Variants in SLC16A7 observed in about 807,000 individuals in gnomAD.
The protein encoded by SLC16A7 is solute carrier family 16 member 7, also known as monocarboxylate transporter 2.
In SLC16A7, 33 loss-of-function variants were observed where a neutral mutation model predicts 34.9. That is an observed-to-expected ratio of 0.94 (90% CI 0.72 to 1.26). The LOEUF is 1.26. Ranked by LOEUF, SLC16A7 falls within the 50% of genes most tolerant of loss-of-function variation. The probability of loss-of-function intolerance (pLI) is 0.00; values close to 1 mark genes in which losing one functional copy is unlikely to be tolerated. For synonymous variants in SLC16A7, 201 were observed against 206.6 expected, an observed-to-expected ratio of 0.97 and a Z score of 0.23; for missense variants, 573 against 578.1, an observed-to-expected ratio of 0.99 and a Z score of 0.09.
intron 1 of SLC16A7, among the ~76,000 whole-genome samples, chr12:59,608,760 A>C (rs1240662055): frequency 2.6e-5 from 4 of 152,158 alleles, no homozygotes; most frequent in Non-Finnish European, 4.4e-5. Context: ...TTTTCATTTT[A>C]TTTTTGTTAA....
At chr12:59,705,901 T>C (rs1214279140) in intron 3 of SLC16A7, among the ~76,000 whole-genome samples, 2 of 152,180 alleles carry the variant, frequency 1.3e-5, no homozygotes, top group African/African-American at 4.8e-5. Context: ...AAGGATAATA[T>C]GGCTCTTAGT....
intron 2 of SLC16A7, among the ~76,000 whole-genome samples, chr12:59,681,952 A>G (rs1292277282): frequency 7.6e-6 from 1 of 131,286 alleles, no homozygotes; most frequent in East Asian, 2.0e-4. Context: ...CGAGAATCTC[A>G]TAACACAGCT....
At chr12:59,615,677 C>T (rs1321274552) in intron 1 of SLC16A7, among the ~76,000 whole-genome samples, 2 of 152,182 alleles carry the variant, frequency 1.3e-5, no homozygotes, top group African/African-American at 4.8e-5. Context: ...ACTGTTCATA[C>T]TCTTGGAGTA....
chr12:59,650,970 C>G (rs1182539070), intron 1 of SLC16A7, among the ~76,000 whole-genome samples: 2 of 152,074 alleles, frequency 1.3e-5, no homozygotes, highest in East Asian at 3.9e-4. Flanking sequence ...GAGATGGTAG[C>G]TAAAAGAAGC....
intron 3 of SLC16A7, among the ~76,000 whole-genome samples, chr12:59,717,457 A>C (rs963400990): frequency 6.6e-6 from 1 of 152,232 alleles, no homozygotes; most frequent in African/African-American, 2.4e-5. Context: ...GATAAAATGA[A>C]CTGTAAGTCC....
At chr12:59,666,592 G>A (rs1869225666) in intron 2 of SLC16A7, among the ~76,000 whole-genome samples, 1 of 152,080 alleles carries the variant, frequency 6.6e-6, no homozygotes, top group African/African-American at 2.4e-5. Context: ...TAGTGAGTAA[G>A]TCCTGAGATC....
intron 1 of SLC16A7, among the ~76,000 whole-genome samples, chr12:59,613,946 A>C (rs1160327479): frequency 1.3e-5 from 2 of 152,206 alleles, no homozygotes; most frequent in East Asian, 3.9e-4. Context: ...TATGAACAGT[A>C]ACACTGTTAA....
chr12:59,726,325 T>C (rs1876228708), intron 3 of SLC16A7, among the ~76,000 whole-genome samples: 2 of 152,160 alleles, frequency 1.3e-5, no homozygotes, highest in Non-Finnish European at 2.9e-5. Context: ...AGAATCAATA[T>C]TTTTAAATCT....
At chr12:59,667,778 C>A (rs528143964) in intron 2 of SLC16A7, among the ~76,000 whole-genome samples, 14 of 152,338 alleles carry the variant, frequency 9.2e-5, no homozygotes, top group Non-Finnish European at 1.9e-4. Flanking sequence ...ATATCAGAGG[C>A]CTTCGTGGCA....
chr12:59,749,862 C>T (rs904547440), intron 3 of SLC16A7, among the ~76,000 whole-genome samples: 1 of 152,136 alleles, frequency 6.6e-6, no homozygotes. Flanking sequence ...TAATAAAAAT[C>T]ACACCAGAGT....
intron 3 of SLC16A7, among the ~76,000 whole-genome samples, chr12:59,769,728 G>T (rs1438526847): frequency 6.6e-6 from 1 of 152,014 alleles, no homozygotes; most frequent in African/African-American, 2.4e-5. Context: ...GCATTGATAA[G>T]TGAATCTCAA....
At chr12:59,751,948 C>A (rs12824305) in intron 3 of SLC16A7, among the ~76,000 whole-genome samples, 3 of 152,062 alleles carry the variant, frequency 2.0e-5, no homozygotes, top group Non-Finnish European at 4.4e-5. Flanking sequence ...TAGCGGTTCA[C>A]GAAAATCCGC....
At chr12:59,677,301 T>C (rs1304052039) in intron 2 of SLC16A7, among the ~76,000 whole-genome samples, 4 of 152,088 alleles carry the variant, frequency 2.6e-5, no homozygotes, top group Non-Finnish European at 4.4e-5. Context: ...AATTTGAAAA[T>C]TGAACATTAA....
chr12:59,644,436 G>A (rs1194008814), intron 1 of SLC16A7, among the ~76,000 whole-genome samples: 4 of 151,962 alleles, frequency 2.6e-5, no homozygotes, highest in Admixed American at 6.6e-5. Context: ...ACATGTTGGC[G>A]CATGCCTGTA....
intron 2 of SLC16A7, among the ~76,000 whole-genome samples, chr12:59,702,544 CA>C (rs1565658569): frequency 6.6e-6 from 1 of 151,922 alleles, no homozygotes; most frequent in Non-Finnish European, 1.5e-5. Flanking sequence ...GGCTTTGCCC[CA>C]ATTACTGTGA....
In SLC16A7 at chr12:59,657,436, G is replaced by T. The variant is rs899893807; in HGVS notation, c.-31+2186G>T. 3.3e-5 allele frequency among the ~76,000 whole-genome samples: 5 copies of T among 151,896 alleles called. No homozygotes were observed. The East Asian group carries it at 9.6e-4, about 29-fold the overall frequency. On this transcript the variant is annotated intron_variant, in intron 2 of 5. Transcript: ENST00000547379. ...TTGTGATGTCACTACTTAAGCATGT[G>T]AATATCTTGGTAGTAGGGAAAGTAT...
chr12:59,746,124 C>T (rs191691770), intron 3 of SLC16A7, among the ~76,000 whole-genome samples: 6 of 152,088 alleles, frequency 3.9e-5, no homozygotes, highest in African/African-American at 1.4e-4. Flanking sequence ...AGTAAAAGGT[C>T]GGATGAACTT....
At chr12:59,611,078 T>C (rs908113120) in intron 1 of SLC16A7, among the ~76,000 whole-genome samples, 14 of 152,210 alleles carry the variant, frequency 9.2e-5, no homozygotes, top group Admixed American at 7.9e-4. Flanking sequence ...TTAGGTCTCA[T>C]TTATAAGGTC....
intron 3 of SLC16A7, among the ~76,000 whole-genome samples, chr12:59,739,027 T>C (rs762279920): frequency 0.082 from 11,311 of 138,402 alleles, 512 homozygotes; most frequent in South Asian, 0.16. Flanking sequence ...TTCATTTATT[T>C]ATTTATTTAT....
Sources: gnomAD v4.1 joint callset for allele counts (sites outside exome capture counted in the v4.1 genomes callset) on GRCh38, gnomAD v4.1.1 for gene constraint, MANE v1.5 for transcripts, NCBI Gene and HGNC (gene_info 2026-07-23, HGNC 2026-07-21) for gene names.